The following CDH13 variants were observed in gnomAD, a reference collection of about 807,000 sequenced individuals.
CDH13 encodes cadherin-13.
CDH13 carries 24 observed loss-of-function variants against 63.8 expected under a neutral mutation model. The ratio of observed to expected loss-of-function variants is 0.38; its 90% CI spans 0.27 to 0.53. CDH13 has a LOEUF of 0.53. Among genes scored for constraint, CDH13 ranks in the 20% least tolerant of loss-of-function variants. The pLI, the probability that CDH13 is intolerant of heterozygous loss-of-function variation, is 0.85. For missense variants in CDH13, 1,049 were observed against 903.1 expected, an observed-to-expected ratio of 1.16 and a Z score of -2.07; for synonymous variants, 503 against 355.3, an observed-to-expected ratio of 1.42 and a Z score of -4.67.
chr16:82,804,638 G>A (rs987310686), intron 1 of CDH13, among the ~76,000 whole-genome samples: 1 of 152,078 alleles, frequency 6.6e-6, no homozygotes, highest in African/African-American at 2.4e-5. Context: ...TGTGGATTAG[G>A]AGACACTGTA....
intron 1 of CDH13, among the ~76,000 whole-genome samples, chr16:82,848,587 G>C (rs1247171220): frequency 6.8e-6 from 1 of 147,202 alleles, no homozygotes; most frequent in Admixed American, 6.8e-5. Flanking sequence ...TTTTTTGGGT[G>C]GGGGGAGGCA....
chr16:82,668,916 C>T (rs1314153922), intron 1 of CDH13, among the ~76,000 whole-genome samples: 1 of 152,146 alleles, frequency 6.6e-6, no homozygotes, highest in Non-Finnish European at 1.5e-5. Flanking sequence ...GTGAGTTTAC[C>T]CCTGTGTAAA....
intron 2 of CDH13, among the ~76,000 whole-genome samples, chr16:82,982,546 G>T (rs1483337660): frequency 6.6e-6 from 1 of 152,148 alleles, no homozygotes; most frequent in Non-Finnish European, 1.5e-5. Context: ...CATTTGCATG[G>T]CTTCAACTAT....
At chr16:83,215,094 T>TTTTTTTTTTTTG in intron 4 of CDH13, among the ~76,000 whole-genome samples, 1 of 143,964 alleles carries the variant, frequency 6.9e-6, no homozygotes, top group African/African-American at 2.6e-5. Flanking sequence ...TTTTTTTTTT[T>TTTTTTTTTTTTG]GAGATGGAGT....
chr16:83,015,115 C>G (rs1458584743), intron 2 of CDH13, among the ~76,000 whole-genome samples: 1 of 151,560 alleles, frequency 6.6e-6, no homozygotes, highest in Non-Finnish European at 1.5e-5. Context: ...ATATAGCTTG[C>G]AAATTTGGTA....
chr16:83,261,665 A>C (rs1202653964), intron 5 of CDH13, among the ~76,000 whole-genome samples: 1 of 152,014 alleles, frequency 6.6e-6, no homozygotes, highest in Non-Finnish European at 1.5e-5. Flanking sequence ...GAAGCCCTGC[A>C]AAAAACTTGC....
chr16:83,250,091 A>C (rs1408662168), intron 5 of CDH13, among the ~76,000 whole-genome samples: 1 of 152,180 alleles, frequency 6.6e-6, no homozygotes, highest in Non-Finnish European at 1.5e-5. Context: ...CCAAATGACC[A>C]TACCCATGGG....
At chr16:83,551,837 C>T (rs1384754630) in intron 7 of CDH13, among the ~76,000 whole-genome samples, 4 of 152,172 alleles carry the variant, frequency 2.6e-5, no homozygotes, top group Non-Finnish European at 5.9e-5. Flanking sequence ...ACATCTTTTT[C>T]ACTGTTCCTT....
rs377354390 is a variant in CDH13, at chr16:83,365,901, C to T, written c.781+20895C>T. Among the ~76,000 whole-genome samples, 584 of 152,196 alleles carry T rather than the reference C, an allele frequency of 3.8e-3. 7 individuals are homozygous for T. Among genetic ancestry groups the T allele is most frequent in the African/African-American group, 0.014 (561 of 41,546 alleles). On this transcript the variant is annotated intron_variant, in intron 6 of 13. Coordinates refer to ENST00000567109, the MANE Select transcript of CDH13 (RefSeq NM_001257.5). ...AATGATGCTGGAAAAGGATTTTTCC[C>T]CCCAGGGACTCCAATAAGGAACACT...
intron 7 of CDH13, among the ~76,000 whole-genome samples, chr16:83,536,982 G>A (rs2075203998): frequency 6.6e-6 from 1 of 152,204 alleles, no homozygotes; most frequent in African/African-American, 2.4e-5. Context: ...TAAAGCAGAA[G>A]CCTGGCTCAT....
intron 8 of CDH13, among the ~76,000 whole-genome samples, chr16:83,656,323 A>G (rs1912863190): frequency 6.6e-6 from 1 of 152,178 alleles, no homozygotes; most frequent in South Asian, 2.1e-4. Context: ...AGGGGGAAAG[A>G]TGAGATTTGT....
At chr16:83,188,268 C>A (rs1369829104) in intron 4 of CDH13, among the ~76,000 whole-genome samples, 3 of 152,160 alleles carry the variant, frequency 2.0e-5, no homozygotes, top group Non-Finnish European at 4.4e-5. Context: ...GCTGCAATCA[C>A]TCAGGCTCTA....
At chr16:82,733,830 G>A (rs1256949150) in intron 1 of CDH13, among the ~76,000 whole-genome samples, 2 of 152,350 alleles carry the variant, frequency 1.3e-5, no homozygotes, top group South Asian at 4.1e-4. Context: ...ATACCCAGTT[G>A]CCTGAATATG....
chr16:83,138,481 G>A (rs1339869300), intron 4 of CDH13, among the ~76,000 whole-genome samples: 1 of 152,186 alleles, frequency 6.6e-6, no homozygotes, highest in African/African-American at 2.4e-5. Context: ...CGCTCTCCAG[G>A]CAGTGGGAAG....
intron 7 of CDH13, among the ~76,000 whole-genome samples, chr16:83,500,311 TCTCCTTCTCCTC>T (rs1567715338): frequency 4.9e-3 from 5 of 1,028 alleles, no homozygotes; most frequent in African/African-American, 5.3e-3. Context: ...TCCTTCTCCT[TCTCCTTCTCCTC>T]CTCCTCCTCC....
chr16:82,643,552 G>A (rs956924724), intron 1 of CDH13, among the ~76,000 whole-genome samples: 6 of 152,188 alleles, frequency 3.9e-5, no homozygotes, highest in Non-Finnish European at 7.3e-5. Context: ...AGCAACCTGT[G>A]TTATTTGGAA....
rs138284095 is a variant in CDH13, at chr16:83,444,008, G to A, written c.782-42469G>A. 2.6e-3 allele frequency among the ~76,000 whole-genome samples: 390 copies of A among 150,776 alleles called. 6 individuals are homozygous for A. Among genetic ancestry groups the A allele is most frequent in the Middle Eastern group, 6.8e-3 (2 of 294 alleles). On this transcript the variant is annotated intron_variant, in intron 6 of 13. Coordinates refer to ENST00000567109, the MANE Select transcript of CDH13 (RefSeq NM_001257.5). ...TGATTATGATGATGATGGCAAAGAC[G>A]GTGGTGAAGGTGATGGCGATGATCA... is the stretch of plus-strand genomic sequence containing the variant.
At chr16:82,842,242 G>C (rs1446615119) in intron 1 of CDH13, among the ~76,000 whole-genome samples, 4 of 149,004 alleles carry the variant, frequency 2.7e-5, no homozygotes, top group Non-Finnish European at 4.4e-5. Flanking sequence ...CTTTTAAAAA[G>C]TTGTTATCAA....
At chr16:83,716,336 G>C (rs1283664359) in intron 10 of CDH13, among the ~76,000 whole-genome samples, 1 of 152,138 alleles carries the variant, frequency 6.6e-6, no homozygotes, top group Non-Finnish European at 1.5e-5. Flanking sequence ...CCGTGGGTTT[G>C]GGCAAATGTA....
Sources: gnomAD v4.1 joint callset for allele counts (sites outside exome capture counted in the v4.1 genomes callset) on GRCh38, gnomAD v4.1.1 for gene constraint, MANE v1.5 for transcripts, NCBI Gene and HGNC (gene_info 2026-07-23, HGNC 2026-07-21) for gene names.